The following ASTN2 variants were observed in gnomAD, a reference collection of about 807,000 sequenced individuals.
ASTN2 encodes astrotactin-2.
A neutral mutation model predicts 139.8 loss-of-function variants in ASTN2; 54 were observed. The ratio of observed to expected loss-of-function variants is 0.39; its 90% confidence interval spans 0.31 to 0.48. The LOEUF is 0.48. Ranked by LOEUF, ASTN2 falls within the 20% of genes least tolerant of loss-of-function variation. The pLI, the probability that ASTN2 is intolerant of heterozygous loss-of-function variation, is 0.95. For synonymous variants in ASTN2, 756 were observed against 719.5 expected, an observed-to-expected ratio of 1.05 and a Z score of -0.81; for missense variants, 1,565 against 1,725.1, an observed-to-expected ratio of 0.91 and a Z score of 1.64.
chr9:117,071,840 G>A (rs1828140238), intron 5 of ASTN2, among the ~76,000 whole-genome samples: 2 of 152,106 alleles, frequency 1.3e-5, no homozygotes, highest in Non-Finnish European at 2.9e-5. Context: ...GCGCTTCCCA[G>A]GTGAGGCAAT....
intron 11 of ASTN2, among the ~76,000 whole-genome samples, chr9:116,842,129 G>A (rs1832280611): frequency 6.6e-6 from 1 of 152,180 alleles, no homozygotes; most frequent in South Asian, 2.1e-4. Flanking sequence ...AGAACCTTGT[G>A]GGAAGGGCCC....
intron 10 of ASTN2, among the ~76,000 whole-genome samples, chr9:116,928,667 G>A (rs1179288584): frequency 2.0e-5 from 3 of 151,976 alleles, no homozygotes; most frequent in African/African-American, 7.3e-5. Flanking sequence ...TATTAAAAGA[G>A]TTGATTATTA....
At chr9:116,772,858 C>G (rs967835897) in intron 13 of ASTN2, among the ~76,000 whole-genome samples, 3 of 152,156 alleles carry the variant, frequency 2.0e-5, no homozygotes, top group Admixed American at 6.6e-5. Context: ...GGGGGCTTAG[C>G]TTTAGGCTAG....
chr9:116,866,848 G>A (rs568008601), intron 10 of ASTN2, among the ~76,000 whole-genome samples: 7 of 144,520 alleles, frequency 4.8e-5, no homozygotes, highest in Non-Finnish European at 4.5e-5. Flanking sequence ...AGCCGAGATC[G>A]TGCCACGGCA....
rs150679468 is a variant in ASTN2, at chr9:116,925,630, A to T, written c.1889+49578T>A. 1.9e-3 allele frequency among the ~76,000 whole-genome samples: 295 copies of T among 151,972 alleles called. 2 individuals carry two copies. Among genetic ancestry groups the T allele is most frequent in the Middle Eastern group, 0.01 (3 of 294 alleles). On this transcript the variant is annotated intron_variant, in intron 10 of 22. Transcript: ENST00000313400. Reference sequence around the variant, plus strand: ...CACTCTCTTATTAGGCATTACCTGCAGTTCCTGAGTACTTCTTCCAGTTTC... The same window carrying T: ...CACTCTCTTATTAGGCATTACCTGCTGTTCCTGAGTACTTCTTCCAGTTTC...
intron 4 of ASTN2, among the ~76,000 whole-genome samples, chr9:117,137,087 T>A (rs532489611): frequency 1.2e-3 from 184 of 152,292 alleles, no homozygotes; most frequent in African/African-American, 3.8e-3. Context: ...ATACTGCCCA[T>A]AAGATGCTGG....
At chr9:116,897,970 G>A (rs941300748) in intron 10 of ASTN2, among the ~76,000 whole-genome samples, 3 of 152,088 alleles carry the variant, frequency 2.0e-5, no homozygotes, top group Non-Finnish European at 2.9e-5. Flanking sequence ...ATGTGGATGG[G>A]GTAGTCAGAG....
Position 116,698,511 on chromosome 9 carries a change from A to C in ASTN2, c.2806+27260T>G, listed in dbSNP as rs2132072833. 6.2e-7 allele frequency: 1 copy of C among 1,613,666 alleles called. No individual in the cohort carries two copies. The highest frequency in any genetic ancestry group is 8.5e-7 in the Non-Finnish European group (1 of 1,179,980). Reference sequence around the variant, plus strand: ...GGCAGATGTAGCACTACTGGAGGAGACAGCTGATGAGGAGGAGCCAGAGCT... The same window carrying C: ...GGCAGATGTAGCACTACTGGAGGAGCCAGCTGATGAGGAGGAGCCAGAGCT... On this transcript the variant is annotated intron_variant, in intron 16 of 22. Coordinates refer to ENST00000313400, the MANE Select transcript of ASTN2 (RefSeq NM_001365068.1). The surrounding 1 kb of genome is among the most constrained non-coding windows in gnomAD (Gnocchi z 4.4).
rs187486412 is a variant in ASTN2, at chr9:117,255,040, G to A, written c.630+36286C>T. Reference sequence around the variant, plus strand: ...TAAATCCTACCTAATCCTAGTATATGAAACACAAATAATCACAGTTCTTCT... The same window carrying A: ...TAAATCCTACCTAATCCTAGTATATAAAACACAAATAATCACAGTTCTTCT... On this transcript the variant is annotated intron_variant, in intron 2 of 22. Coordinates refer to ENST00000313400, the MANE Select transcript of ASTN2 (RefSeq NM_001365068.1). 7.9e-5 allele frequency among the ~76,000 whole-genome samples: 12 copies of A among 152,320 alleles called. No homozygotes were observed. In the East Asian group the frequency reaches 2.3e-3, roughly 29 times the overall value.
chr9:116,818,833 G>A (rs914484564), intron 12 of ASTN2, among the ~76,000 whole-genome samples: 2 of 152,106 alleles, frequency 1.3e-5, no homozygotes, highest in Non-Finnish European at 2.9e-5. Flanking sequence ...GAAAACTGAG[G>A]CACAGAGACA....
chr9:116,437,735 A>G (rs1252213916), intron 22 of ASTN2: 2 of 375,094 alleles, frequency 5.3e-6, no homozygotes, highest in Non-Finnish European at 1.1e-5. Context: ...AGCGGCTTTC[A>G]TCTGGGGCTC....
chr9:116,458,428 T>C (rs1461490245), intron 20 of ASTN2, among the ~76,000 whole-genome samples: 4 of 151,968 alleles, frequency 2.6e-5, no homozygotes, highest in Admixed American at 1.3e-4. Context: ...TCATTTACCC[T>C]GATGTGATTA....
At chr9:116,998,987 C>T (rs1281478100) in intron 7 of ASTN2, among the ~76,000 whole-genome samples, 2 of 152,116 alleles carry the variant, frequency 1.3e-5, no homozygotes, top group Admixed American at 6.6e-5. Context: ...ATATTTAGTA[C>T]AATATAAGAT....
intron 1 of ASTN2, among the ~76,000 whole-genome samples, chr9:117,375,333 C>T (rs1830094033): frequency 6.6e-6 from 1 of 152,158 alleles, no homozygotes; most frequent in African/African-American, 2.4e-5. Flanking sequence ...TAACAAATAC[C>T]ACAGTCCAGC....
At chr9:117,150,074 G>A (rs1351961297) in intron 3 of ASTN2, among the ~76,000 whole-genome samples, 1 of 152,158 alleles carries the variant, frequency 6.6e-6, no homozygotes, top group African/African-American at 2.4e-5. Flanking sequence ...TTTCTGCTAG[G>A]AGAACTGCAT....
intron 2 of ASTN2, among the ~76,000 whole-genome samples, chr9:117,225,378 T>C (rs1197929592): frequency 6.6e-6 from 1 of 150,976 alleles, no homozygotes; most frequent in African/African-American, 2.4e-5. Flanking sequence ...GGGGAAAACA[T>C]CTTTAGGAGG....
Position 116,862,485 on chromosome 9 carries a change from G to A in ASTN2, c.2040+1098C>T, listed in dbSNP as rs953840326. Among the ~76,000 whole-genome samples, 5 of 152,238 alleles carry A rather than the reference G, an allele frequency of 3.3e-5. No homozygotes were observed. In the South Asian group the frequency reaches 6.2e-4, roughly 19 times the overall value. The stretch of plus-strand genomic sequence containing the variant: ...CTGTATGGAAAAGAGGGTCACCTGC[G>A]GGGAGGGAAAAGGCTTCATAAAGGA... On this transcript the variant is annotated intron_variant, in intron 11 of 22. Coordinates refer to ENST00000313400, the MANE Select transcript of ASTN2 (RefSeq NM_001365068.1).
intron 13 of ASTN2, among the ~76,000 whole-genome samples, chr9:116,741,122 C>T (rs888663289): frequency 5.3e-5 from 8 of 152,116 alleles, no homozygotes; most frequent in Admixed American, 6.5e-5. Flanking sequence ...CTCTGTCCTA[C>T]CCTTCCTCAG....
intron 19 of ASTN2, chr9:116,585,705 TA>T (rs1372451151): frequency 6.6e-6 from 1 of 152,210 alleles, no homozygotes; most frequent in Non-Finnish European, 1.5e-5. Flanking sequence ...GTCCTCCAAC[TA>T]TAAGAATCCT....
Sources: allele counts gnomAD v4.1 joint callset (sites outside exome capture counted in the v4.1 genomes callset), GRCh38; gene constraint gnomAD v4.1.1; non-coding constraint Gnocchi (gnomAD v3.1); transcripts MANE v1.5; gene names NCBI Gene and HGNC (gene_info 2026-07-23, HGNC 2026-07-21).